The following AP2A2 variants were observed in gnomAD, a reference collection of about 807,000 sequenced individuals.
AP2A2 encodes the protein AP-2 complex subunit alpha-2.
In AP2A2, 32 loss-of-function variants were observed where a neutral mutation model predicts 104.2. The observed-to-expected ratio is 0.31, with a 90% CI of 0.23 to 0.41. The LOEUF is 0.41. Among genes scored for constraint, AP2A2 ranks in the 10% least tolerant of loss-of-function variants. The pLI is 1.00. For missense variants in AP2A2, 912 were observed against 1,261.0 expected, an observed-to-expected ratio of 0.72 and a Z score of 4.19; for synonymous variants, 539 against 533.3, an observed-to-expected ratio of 1.01 and a Z score of -0.15.
rs1052461235 is a variant in AP2A2 at position 973,067 on chromosome 11, G to A, written c.473+812G>A. On this transcript the variant is annotated intron_variant, in intron 4 of 21. Coordinates refer to ENST00000448903, the MANE Select transcript of AP2A2 (RefSeq NM_012305.4). ...ACCTGTGTGTTCCAGGATACCCTGC[G>A]GAGTTGGGAAACTGACCCCTCGCCC... Among the ~76,000 whole-genome samples the A allele has an allele frequency of 5.9e-5, 9 of 152,228 alleles. No homozygotes were observed. In the East Asian group the frequency reaches 7.7e-4, roughly 13 times the overall value.
At position 1,009,130 on chromosome 11, in the gene AP2A2, G is replaced by A. The variant is rs1404878028; in HGVS notation, c.2451G>A (p.Val817=). 1 of 1,613,232 alleles carries A rather than the reference G, an allele frequency of 6.2e-7. No homozygotes were observed. The highest frequency in any genetic ancestry group is 8.5e-7 in the Non-Finnish European group (1 of 1,179,884). Residue 817 remains valine (V), a synonymous_variant, in exon 19 of 22, where the codon GTG becomes GTA. Transcript: ENST00000448903. ...GGGGCACCTTCCAGAACGTGTCTGT[G>A]CAGCTGCCCATCACTCTCAACAAAT... The part of the protein sequence containing the change: ...RYGGTFQNVS[V]QLPITLNKFF...
Position 976,968 on chromosome 11 carries a change from C to T in AP2A2, c.474-127C>T, listed in dbSNP as rs572708109. ...CCCTAGGCGGCCTCGGCAGGCGGCC[C>T]TGAGTGCTGTCTTGGCCCCTGCGCC... On this transcript the variant is annotated intron_variant, in intron 4 of 21. Transcript: ENST00000448903. The T allele has an allele frequency of 5.8e-5, 78 of 1,337,856 alleles. No individual in the cohort carries two copies. In the African/African-American group the frequency reaches 9.8e-4, roughly 17 times the overall value. The allele number at this position is 1,337,856 out of a possible 1,614,324, so 82.9% of individuals were successfully genotyped here.
chr11:943,076 G>A (rs953662384), intron 1 of AP2A2: 1 of 152,224 alleles, frequency 6.6e-6, no homozygotes. Flanking sequence ...CCAAAGGAAA[G>A]CGAGTGAGTA....
intron 1 of AP2A2, among the ~76,000 whole-genome samples, chr11:935,753 C>T (rs1253292026): frequency 1.3e-5 from 2 of 149,908 alleles, no homozygotes; most frequent in Admixed American, 1.3e-4. Context: ...ATTGCAGGCA[C>T]CTGGCTAATT....
chr11:1,007,890 A>G, intron 17 of AP2A2, 122 bp from the exon 18 acceptor site: 2 of 1,422,838 alleles, frequency 1.4e-6, no homozygotes, highest in Non-Finnish European at 1.9e-6. Context: ...CTCGACCCGT[A>G]GCTGGTGGTC....
chr11:941,457 T>A (rs1251189050), intron 1 of AP2A2, among the ~76,000 whole-genome samples: 1 of 152,010 alleles, frequency 6.6e-6, no homozygotes, highest in Non-Finnish European at 1.5e-5. Context: ...GTAATTTTTA[T>A]TTTTTTTAGA....
intron 8 of AP2A2, among the ~76,000 whole-genome samples, chr11:986,106 G>A (rs970621197): frequency 1.3e-5 from 2 of 152,236 alleles, no homozygotes; most frequent in African/African-American, 4.8e-5. Flanking sequence ...GGTCTGGCGT[G>A]GGTCTTGCGT....
At chr11:997,189 T>C (rs1855884701) in intron 14 of AP2A2, among the ~76,000 whole-genome samples, 1 of 152,198 alleles carries the variant, frequency 6.6e-6, no homozygotes, top group Non-Finnish European at 1.5e-5. Context: ...TTATTTAACA[T>C]CATAGATGAG....
At chr11:970,074 G>C in intron 2 of AP2A2, 95 bp from the exon 3 acceptor site, 1 of 1,406,756 alleles carries the variant, frequency 7.1e-7, no homozygotes. Context: ...AGGCTTGTCC[G>C]TGCTGCCTGC....
At chr11:1,008,507 C>T (rs537205368) in intron 18 of AP2A2, 3 of 212,802 alleles carry the variant, frequency 1.4e-5, no homozygotes, top group East Asian at 2.3e-4. Context: ...GCCCCCTGGC[C>T]TGGGGGGCGC....
rs777823494 is a variant in AP2A2 at position 1,011,199 on chromosome 11, A to G, written c.*574A>G. ...ATTTGTATTTGTAATGACTTCTGGC[A>G]AAAGCACGTGTCCTGGCCGGATGTA... is the stretch of plus-strand genomic sequence containing the variant. On this transcript the variant is annotated 3_prime_UTR_variant, in exon 22 of 22. Transcript: ENST00000448903. 4 of 521,576 alleles carry G rather than the reference A, an allele frequency of 7.7e-6. No homozygotes were observed. Among genetic ancestry groups the G allele is most frequent in the Admixed American group, 3.9e-5 (2 of 51,648 alleles). 32.3% of individuals were successfully genotyped at this position (521,576 alleles called of 1,614,324 possible).
At chr11:954,546 TTA>T (rs1169256720) in intron 1 of AP2A2, among the ~76,000 whole-genome samples, 4 of 152,310 alleles carry the variant, frequency 2.6e-5, no homozygotes, top group East Asian at 1.9e-4. Context: ...GTATTTGTAT[TTA>T]TGTGTGTTTG....
chr11:1,003,913 A>G, intron 16 of AP2A2, 109 bp downstream of exon 16: 1 of 719,302 alleles, frequency 1.4e-6, no homozygotes, highest in Non-Finnish European at 2.2e-6. Context: ...GAATATAAAA[A>G]GAACTCCCAT....
Position 986,945 on chromosome 11 carries a change from G to A in AP2A2, c.1123G>A (p.Ala375Thr). Residue 375 changes from alanine to threonine, a missense_variant, in exon 9 of 22, where the codon GCC becomes ACC. By Grantham distance (58) the Ala-to-Thr change is moderately conservative. This residue lies in a region of AP2A2 where 350 missense variants were observed against 487.0 expected (regional missense o/e 0.72). Transcript: ENST00000448903. Reference sequence around the variant, plus strand: ...GACGCACATCGAGACGGTCATCAACGCCCTGAAGGCGAGTGCCCTGTCCTT... The same window carrying A: ...GACGCACATCGAGACGGTCATCAACACCCTGAAGGCGAGTGCCCTGTCCTT... The part of the protein sequence containing the change: ...VKTHIETVIN[A>T]LKTERDVSVR... The A allele has an allele frequency of 3.2e-6, 5 of 1,581,470 alleles. No individual in the cohort carries two copies. The highest frequency in any genetic ancestry group is 1.2e-5 in the South Asian group (1 of 86,162).
Position 970,244 on chromosome 11 carries a change from A to C in AP2A2, c.212A>C (p.Asp71Ala). Residue 71 changes from aspartate to alanine, a missense_variant, in exon 3 of 22, where the codon GAC becomes GCC. Asp to Ala is a moderately radical substitution (Grantham distance 126). Around this residue, in one of 7 missense-constraint regions of AP2A2, gnomAD observed 17 missense variants for 57.3 expected, o/e 0.30. Coordinates refer to ENST00000448903, the MANE Select transcript of AP2A2 (RefSeq NM_012305.4). The stretch of plus-strand genomic sequence containing the variant: ...CTCTTCATCTTTCTCCTTGGTCATG[A>C]CATTGACTTTGGACACATGGAGGCT... ...KLLFIFLLGH[D>A]IDFGHMEAVN... 1 of 1,613,994 alleles carries C rather than the reference A, an allele frequency of 6.2e-7. No individual in the cohort carries two copies. The highest frequency in any genetic ancestry group is 8.5e-7 in the Non-Finnish European group (1 of 1,179,882).
At chr11:982,835 G>C (rs149396569) in intron 6 of AP2A2, among the ~76,000 whole-genome samples, 1 of 151,140 alleles carries the variant, frequency 6.6e-6, no homozygotes, top group Admixed American at 6.6e-5. Context: ...ATTTTTAGTA[G>C]AGATGGGGTT....
At chr11:937,231 G>C (rs1487314686) in intron 1 of AP2A2, among the ~76,000 whole-genome samples, 1 of 151,898 alleles carries the variant, frequency 6.6e-6, no homozygotes, top group Admixed American at 6.6e-5. Context: ...TATTGGCCAG[G>C]CTGGTCTCGA....
chr11:926,168 G>T, intron 1 of AP2A2, 80 bp downstream of exon 1: 1 of 1,018,360 alleles, frequency 9.8e-7, no homozygotes, highest in Non-Finnish European at 1.3e-6. Flanking sequence ...CCGGGGCGGG[G>T]CCTCGAGGCG....
At chr11:998,462 T>C (rs1359352226) in intron 14 of AP2A2, among the ~76,000 whole-genome samples, 1 of 152,146 alleles carries the variant, frequency 6.6e-6, no homozygotes, top group African/African-American at 2.4e-5. Flanking sequence ...AAGTACAGTG[T>C]GACACCTTAA....
Sources: gnomAD v4.1 joint callset for allele counts (sites outside exome capture counted in the v4.1 genomes callset) on GRCh38, gnomAD v4.1.1 for gene constraint, gnomAD v4.1.1 regional missense constraint, MANE v1.5 for transcripts, NCBI Gene and HGNC (gene_info 2026-07-23, HGNC 2026-07-21) for gene names.